The following VWC2L variants were observed in gnomAD, a reference collection of about 807,000 sequenced individuals.
VWC2L encodes von Willebrand factor C domain-containing protein 2-like.
A neutral mutation model predicts 21.6 loss-of-function variants in VWC2L; 10 were observed. That is an observed-to-expected ratio of 0.46 (90% CI 0.29 to 0.78). The LOEUF (loss-of-function observed/expected upper bound fraction) is 0.78. Ranked by LOEUF, VWC2L falls within the 30% of genes least tolerant of loss-of-function variation. The pLI, the probability that VWC2L is intolerant of heterozygous loss-of-function variation, is 0.10. For synonymous variants in VWC2L, 96 were observed against 94.3 expected (o/e 1.02, Z -0.10); for missense variants, 209 against 277.1 (o/e 0.75, Z 1.74).
intron 2 of VWC2L, among the ~76,000 whole-genome samples, chr2:214,424,552 C>A (rs890320207): frequency 6.6e-6 from 1 of 152,146 alleles, no homozygotes; most frequent in Admixed American, 6.5e-5. Context: ...CAGTACTTGG[C>A]ATGCACCATG....
intron 3 of VWC2L, among the ~76,000 whole-genome samples, chr2:214,496,523 A>T (rs1351699808): frequency 1.3e-5 from 2 of 152,136 alleles, no homozygotes; most frequent in Non-Finnish European, 2.9e-5. Flanking sequence ...AGACCTCCTA[A>T]TTAATTTGCT....
intron 2 of VWC2L, among the ~76,000 whole-genome samples, chr2:214,419,359 GCTTAACTAT>G (rs1559284947): frequency 6.6e-6 from 1 of 152,064 alleles, no homozygotes; most frequent in East Asian, 1.9e-4. Context: ...GGAAATGTAG[GCTTAACTAT>G]CTTAATGCTG....
rs375319002 is a variant in VWC2L, at chr2:214,555,325, A to C, written c.521-20347A>C. 4.6e-5 allele frequency among the ~76,000 whole-genome samples: 7 copies of C among 152,290 alleles called. No homozygotes were observed. In the East Asian group the frequency reaches 7.7e-4, roughly 17 times the overall value. The stretch of plus-strand genomic sequence containing the variant: ...TCTAATATGTATAAAATCCAGCTGT[A>C]ATCCAACCACCTTGGGCATATGTTA... On this transcript the variant is annotated intron_variant, in intron 3 of 3. Transcript: ENST00000312504.
At chr2:214,487,078 G>T (rs1046858955) in intron 3 of VWC2L, among the ~76,000 whole-genome samples, 5 of 152,314 alleles carry the variant, frequency 3.3e-5, no homozygotes, top group Non-Finnish European at 7.3e-5. Context: ...AGAGACAAAT[G>T]TCTTCCATGT....
At chr2:214,507,388 G>A (rs1326082958) in intron 3 of VWC2L, among the ~76,000 whole-genome samples, 1 of 152,162 alleles carries the variant, frequency 6.6e-6, no homozygotes, top group East Asian at 1.9e-4. Context: ...GTAATTGCAT[G>A]TATAGAATGA....
At chr2:214,414,953 G>C (rs1415157293) in intron 2 of VWC2L, 1 of 236,198 alleles carries the variant, frequency 4.2e-6, no homozygotes, top group African/African-American at 2.4e-5. Flanking sequence ...TCAGTTTTGT[G>C]TGTTGCTTAT....
At chr2:214,442,461 T>C (rs1453566241) in intron 3 of VWC2L, among the ~76,000 whole-genome samples, 1 of 152,170 alleles carries the variant, frequency 6.6e-6, no homozygotes, top group African/African-American at 2.4e-5. Flanking sequence ...TCAAATTAGA[T>C]TATTTTTAAA....
At chr2:214,450,911 C>A (rs1164305372) in intron 3 of VWC2L, among the ~76,000 whole-genome samples, 2 of 151,844 alleles carry the variant, frequency 1.3e-5, no homozygotes, top group African/African-American at 4.8e-5. Flanking sequence ...TTAACCTTTA[C>A]AACAGTCCTA....
At chr2:214,441,527 G>C (rs1005385564) in intron 3 of VWC2L, among the ~76,000 whole-genome samples, 4 of 152,022 alleles carry the variant, frequency 2.6e-5, no homozygotes, top group Non-Finnish European at 5.9e-5. Context: ...GTATTGAGAA[G>C]AGTTAAGAAA....
intron 3 of VWC2L, among the ~76,000 whole-genome samples, chr2:214,568,749 C>T (rs923363671): frequency 1.3e-5 from 2 of 152,156 alleles, no homozygotes; most frequent in Non-Finnish European, 2.9e-5. Flanking sequence ...GTTGTCTTGG[C>T]TATTCTGAAT....
chr2:214,576,165 T>A lies in VWC2L; in HGVS notation c.*345T>A, dbSNP rs1330030854. ...CCTACCAGCTCACTGTCCCCTGGTT[T>A]ACTTCATTTTTACTCTTCTGTACAT... On this transcript the variant is annotated 3_prime_UTR_variant, in exon 4 of 4. Coordinates refer to ENST00000312504, the MANE Select transcript of VWC2L (RefSeq NM_001080500.4). The A allele has an allele frequency of 6.1e-6, 1 of 162,844 alleles. No individual in the cohort carries two copies. The highest frequency in any genetic ancestry group is 2.4e-5 in the African/African-American group (1 of 41,882). 10.1% of individuals were successfully genotyped at this position (162,844 alleles called of 1,614,324 possible). A position where few individuals can be genotyped will look rare whatever the true frequency, so the allele number is the denominator to read the frequency against.
At chr2:214,562,289 C>A (rs1201221074) in intron 3 of VWC2L, among the ~76,000 whole-genome samples, 1 of 152,106 alleles carries the variant, frequency 6.6e-6, no homozygotes, top group Non-Finnish European at 1.5e-5. Context: ...TAATGGCTTC[C>A]AGCTCTATCC....
At chr2:214,431,259 A>T (rs1365361907) in intron 2 of VWC2L, among the ~76,000 whole-genome samples, 1 of 152,218 alleles carries the variant, frequency 6.6e-6, no homozygotes, top group Non-Finnish European at 1.5e-5. Flanking sequence ...GTTTGAAAGT[A>T]ATGAGATTTG....
At chr2:214,508,045 C>T (rs1466993993) in intron 3 of VWC2L, among the ~76,000 whole-genome samples, 4 of 152,104 alleles carry the variant, frequency 2.6e-5, no homozygotes, top group Non-Finnish European at 4.4e-5. Context: ...GGCGTGATCT[C>T]GGCTCACTGC....
intron 3 of VWC2L, among the ~76,000 whole-genome samples, chr2:214,567,587 CACACACACAGAG>C (rs1470964783): frequency 5.2e-5 from 7 of 135,778 alleles, no homozygotes; most frequent in South Asian, 2.4e-4. Flanking sequence ...CACACACACA[CACACACACAGAG>C]AGAGAGAGAG....
chr2:214,458,791 TAATTTTG>T (rs1325093510), intron 3 of VWC2L, among the ~76,000 whole-genome samples: 2 of 152,198 alleles, frequency 1.3e-5, no homozygotes, highest in East Asian at 1.9e-4. Context: ...TTACTTGGTA[TAATTTTG>T]AATTTTAAAA....
intron 3 of VWC2L, among the ~76,000 whole-genome samples, chr2:214,490,121 A>G (rs1482408718): frequency 6.6e-6 from 1 of 152,170 alleles, no homozygotes; most frequent in Non-Finnish European, 1.5e-5. Context: ...AGCTGATGAT[A>G]TATTTGGGAA....
intron 3 of VWC2L, among the ~76,000 whole-genome samples, chr2:214,454,499 G>C (rs1168939352): frequency 2.0e-5 from 3 of 148,230 alleles, no homozygotes; most frequent in African/African-American, 7.4e-5. Flanking sequence ...CTCAGGAATT[G>C]ATGTTGGATT....
chr2:214,465,865 T>C (rs1703208956), intron 3 of VWC2L, among the ~76,000 whole-genome samples: 1 of 152,162 alleles, frequency 6.6e-6, no homozygotes, highest in African/African-American at 2.4e-5. Context: ...TCAGAAGAAT[T>C]CCTCATCTGA....
Sources: allele counts gnomAD v4.1 joint callset (sites outside exome capture counted in the v4.1 genomes callset), GRCh38; gene constraint gnomAD v4.1.1; transcripts MANE v1.5; gene names NCBI Gene and HGNC (gene_info 2026-07-23, HGNC 2026-07-21).